The following TIMM23B variants were observed in gnomAD, a reference collection of about 807,000 sequenced individuals.
The protein encoded by TIMM23B is mitochondrial import inner membrane translocase subunit Tim23B.
In TIMM23B, 27 loss-of-function variants were observed where a neutral mutation model predicts 27.3. The ratio of observed to expected loss-of-function variants is 0.99; its 90% confidence interval spans 0.73 to 1.36. The LOEUF is 1.36. Among genes scored for constraint, TIMM23B ranks in the 40% most tolerant of loss-of-function variants. TIMM23B has a pLI of 0.00. For synonymous variants in TIMM23B, 73 were observed against 92.4 expected (o/e 0.79, Z 1.21); for missense variants, 205 against 244.2 (o/e 0.84, Z 1.07).
At position 49,952,166 on chromosome 10, in the gene TIMM23B, C is replaced by A; in HGVS notation, c.206C>A (p.Thr69Asn). The A allele has an allele frequency of 6.2e-7, 1 of 1,605,118 alleles. No homozygotes were observed. Among genetic ancestry groups the A allele is most frequent in the South Asian group, 1.1e-5 (1 of 90,910 alleles). ...EFILPTGANK[T>N]WGRFELAFFT... ...ATTTTACCTACCGGAGCTAATAAAA[C>A]CTGGGGCAGATTTGAGCTGGCCTTC... The change falls in exon 3 of 7, where the codon ACC (threonine) becomes AAC (asparagine). Residue 69 changes from threonine to asparagine, a missense_variant. Coordinates refer to ENST00000651259, the MANE Select transcript of TIMM23B (RefSeq NM_001290117.2).
At chr10:49,972,985 G>A in intron 6 of TIMM23B, 27 bp from the exon 7 acceptor site, 2 of 1,239,318 alleles carry the variant, frequency 1.6e-6, no homozygotes, top group South Asian at 2.6e-5. Flanking sequence ...TAATATGTTT[G>A]GTTATTTTTG....
At chr10:49,965,669 A>G (rs1323261586) in intron 6 of TIMM23B, among the ~76,000 whole-genome samples, 9 of 139,602 alleles carry the variant, frequency 6.4e-5, no homozygotes, top group African/African-American at 2.4e-4. Flanking sequence ...GAAATGAAAC[A>G]AATGAAATGA....
chr10:49,945,742 C>T (rs1244978888), intron 2 of TIMM23B, among the ~76,000 whole-genome samples: 1 of 152,160 alleles, frequency 6.6e-6, no homozygotes, highest in Non-Finnish European at 1.5e-5. Flanking sequence ...ATTAGAAAAG[C>T]AAGGTTGTTT....
intron 1 of TIMM23B, among the ~76,000 whole-genome samples, chr10:49,943,593 A>G (rs1231590146): frequency 6.6e-6 from 1 of 152,016 alleles, no homozygotes; most frequent in African/African-American, 2.4e-5. Context: ...GGGCATATAC[A>G]CTTCCTTAAT....
At position 49,973,130 on chromosome 10, in the gene TIMM23B, C is replaced by T; in HGVS notation, c.*66C>T. On this transcript the variant is annotated 3_prime_UTR_variant, in exon 7 of 7. Transcript: ENST00000651259. ...TACTGAGAAGAAGCTACACAAAAGG[C>T]AGCAAAGTATTAGTAAGTGTACCTC... is the stretch of plus-strand genomic sequence containing the variant. 3 of 1,379,486 alleles carry T rather than the reference C, an allele frequency of 2.2e-6. No homozygotes were observed. The highest frequency in any genetic ancestry group is 2.5e-5 in the East Asian group (1 of 40,246). The allele number at this position is 1,379,486 out of a possible 1,614,324, so 85.5% of individuals were successfully genotyped here.
intron 5 of TIMM23B, among the ~76,000 whole-genome samples, chr10:49,957,255 A>AT (rs1219932424): frequency 0.082 from 11,051 of 134,292 alleles, 1,370 homozygotes; most frequent in African/African-American, 0.26. Context: ...TATTATAAAG[A>AT]TTTTTTTTTT....
At chr10:49,953,038 A>G (rs1839590727) in intron 4 of TIMM23B, among the ~76,000 whole-genome samples, 1 of 152,248 alleles carries the variant, frequency 6.6e-6, no homozygotes, top group South Asian at 2.1e-4. Flanking sequence ...CCAAAAGGAT[A>G]AGACACAGTT....
At chr10:49,967,174 T>C (rs1840197904) in intron 6 of TIMM23B, among the ~76,000 whole-genome samples, 1 of 152,120 alleles carries the variant, frequency 6.6e-6, no homozygotes, top group African/African-American at 2.4e-5. Context: ...CACCCTGCCT[T>C]GGCCTCCCAA....
chr10:49,947,609 C>A (rs1364384612), intron 2 of TIMM23B, among the ~76,000 whole-genome samples: 1 of 147,698 alleles, frequency 6.8e-6, no homozygotes, highest in Non-Finnish European at 1.5e-5. Context: ...GACTCGGTCT[C>A]AAAAATAAAT....
intron 6 of TIMM23B, among the ~76,000 whole-genome samples, chr10:49,959,005 T>TC (rs1839812990): frequency 6.6e-6 from 1 of 152,246 alleles, no homozygotes; most frequent in African/African-American, 2.4e-5. Context: ...GTGCATTCTT[T>TC]TATCAAGGAA....
rs1156738927 is a variant in TIMM23B at position 49,950,043 on chromosome 10, C to T, written c.166-2083C>T. 1.0e-3 allele frequency among the ~76,000 whole-genome samples: 157 copies of T among 152,182 alleles called. 4 individuals are homozygous for T. The South Asian group carries it at 0.03, about 29-fold the overall frequency. On this transcript the variant is annotated intron_variant, in intron 2 of 6. Coordinates refer to ENST00000651259, the MANE Select transcript of TIMM23B (RefSeq NM_001290117.2). ...CACTAATGCTTTTGTATTGTCACTA[C>T]TCTTATATCCTCATTGAAACTTTTT... is the stretch of plus-strand genomic sequence containing the variant.
chr10:49,962,197 CT>C (rs1564685885), intron 6 of TIMM23B, among the ~76,000 whole-genome samples: 1 of 137,730 alleles, frequency 7.3e-6, no homozygotes, highest in East Asian at 2.1e-4. Context: ...TCCAATTAAG[CT>C]TTTTTTTGCT....
chr10:49,942,767 G>T (rs1289756058), intron 1 of TIMM23B, among the ~76,000 whole-genome samples: 1 of 151,992 alleles, frequency 6.6e-6, no homozygotes, highest in African/African-American at 2.4e-5. Flanking sequence ...ACTTGGGACA[G>T]GCTAGGAAAC....
chr10:49,950,851 A>G (rs1431117631), intron 2 of TIMM23B, among the ~76,000 whole-genome samples: 3 of 152,188 alleles, frequency 2.0e-5, no homozygotes, highest in South Asian at 2.1e-4. Flanking sequence ...CAAGTTTTCT[A>G]TTCTTAATTA....
At chr10:49,950,757 G>A (rs1839503966) in intron 2 of TIMM23B, among the ~76,000 whole-genome samples, 1 of 151,980 alleles carries the variant, frequency 6.6e-6, no homozygotes, top group Admixed American at 6.6e-5. Context: ...GCCCAGGGTG[G>A]CCTTGAACTC....
chr10:49,944,803 T>C (rs1397510898), intron 1 of TIMM23B, among the ~76,000 whole-genome samples: 3 of 152,226 alleles, frequency 2.0e-5, no homozygotes, highest in African/African-American at 4.8e-5. Flanking sequence ...GATTATCTTA[T>C]TGGTGTAAAA....
At chr10:49,957,003 T>G (rs1277498259) in intron 5 of TIMM23B, among the ~76,000 whole-genome samples, 1 of 147,642 alleles carries the variant, frequency 6.8e-6, no homozygotes, top group Non-Finnish European at 1.5e-5. Context: ...AGCAGTTGGG[T>G]GTCCTCCTGT....
At position 49,945,097 on chromosome 10, in the gene TIMM23B, C is replaced by G. The variant is rs1195772276; in HGVS notation, c.165+7C>G. Reference sequence around the variant, plus strand: ...TCCACGATACCTCGTGCAGGTAAGACTAAGATTTTACTAGTTTGGTGCATT... The same window carrying G: ...TCCACGATACCTCGTGCAGGTAAGAGTAAGATTTTACTAGTTTGGTGCATT... On this transcript the variant is annotated splice_region_variant and intron_variant, in intron 2 of 6. Coordinates refer to ENST00000651259, the MANE Select transcript of TIMM23B (RefSeq NM_001290117.2). The G allele has an allele frequency of 6.2e-7, 1 of 1,611,260 alleles. No homozygotes were observed. The highest frequency in any genetic ancestry group is 8.5e-7 in the Non-Finnish European group (1 of 1,178,318).
intron 5 of TIMM23B, 53 bp downstream of exon 5, chr10:49,955,113 C>T: frequency 6.4e-7 from 1 of 1,558,874 alleles, no homozygotes. Flanking sequence ...AAAGAATGCA[C>T]AAATATCATG....
Sources: allele counts gnomAD v4.1 joint callset (sites outside exome capture counted in the v4.1 genomes callset), GRCh38; gene constraint gnomAD v4.1.1; transcripts MANE v1.5; gene names NCBI Gene and HGNC (gene_info 2026-07-23, HGNC 2026-07-21).